SDK1: variants seen among roughly 807,000 people sequenced by gnomAD.
The protein encoded by SDK1 is protein sidekick-1.
Under a neutral mutation model 245.5 loss-of-function variants are expected in SDK1, and 157 were observed. The ratio of observed to expected loss-of-function variants is 0.64; its 90% CI spans 0.56 to 0.73. The LOEUF is 0.73. Ranked by LOEUF, SDK1 falls within the 30% of genes least tolerant of loss-of-function variation. The probability of loss-of-function intolerance (pLI) is 0.00; values close to 1 mark genes in which losing one functional copy is unlikely to be tolerated. For synonymous variants in SDK1, 1,647 were observed against 1,278.5 expected (o/e 1.29, Z -6.15); for missense variants, 3,583 against 3,002.3 (o/e 1.19, Z -4.52).
intron 12 of SDK1, 30 bp from the exon 13 acceptor site, chr7:3,974,339 G>C (rs545926945): frequency 6.3e-7 from 1 of 1,590,192 alleles, no homozygotes; most frequent in African/African-American, 1.3e-5. Context: ...TGTGGGGTTT[G>C]TAACTCAAGA....
chr7:4,083,566 C>G (rs1232337844), intron 22 of SDK1, among the ~76,000 whole-genome samples: 1 of 127,238 alleles, frequency 7.9e-6, no homozygotes, highest in Non-Finnish European at 1.7e-5. Flanking sequence ...CCCTTCCTTC[C>G]TTTTTGCCTC....
chr7:3,572,959 G>A (rs1390375930), intron 1 of SDK1, among the ~76,000 whole-genome samples: 1 of 152,002 alleles, frequency 6.6e-6, no homozygotes, highest in African/African-American at 2.4e-5. Context: ...AGAGAGAGGT[G>A]GACAGTGTTG....
chr7:3,380,462 G>T (rs1425086333), intron 1 of SDK1, among the ~76,000 whole-genome samples: 1 of 152,244 alleles, frequency 6.6e-6, no homozygotes, highest in East Asian at 1.9e-4. Flanking sequence ...TGAAGTGTCT[G>T]CAGAATAGCA....
chr7:3,767,722 C>G (rs552380294), intron 4 of SDK1, among the ~76,000 whole-genome samples: 2 of 152,252 alleles, frequency 1.3e-5, no homozygotes, highest in South Asian at 4.2e-4. Flanking sequence ...TGAACCCAGG[C>G]TGTCTGAATC....
intron 27 of SDK1, among the ~76,000 whole-genome samples, chr7:4,131,133 T>C (rs925244527): frequency 6.6e-6 from 1 of 152,170 alleles, no homozygotes; most frequent in African/African-American, 2.4e-5. Flanking sequence ...CCTGCTCCAG[T>C]GTATTCCAGG....
chr7:3,894,698 CTTTTT>C (rs942252289), intron 5 of SDK1, among the ~76,000 whole-genome samples: 2 of 135,454 alleles, frequency 1.5e-5, no homozygotes, highest in Admixed American at 7.4e-5. Flanking sequence ...ACTATTTTTT[CTTTTT>C]TTTTTTTTTT....
chr7:3,811,373 G>A (rs1444433369), intron 4 of SDK1, among the ~76,000 whole-genome samples: 1 of 152,160 alleles, frequency 6.6e-6, no homozygotes, highest in Non-Finnish European at 1.5e-5. Context: ...GTTACTTCCT[G>A]TCAACTGTGA....
chr7:3,850,571 A>G (rs940032567), intron 5 of SDK1, among the ~76,000 whole-genome samples: 3 of 152,202 alleles, frequency 2.0e-5, no homozygotes, highest in African/African-American at 4.8e-5. Context: ...TGTTTATTGC[A>G]GCACTATTCA....
intron 28 of SDK1, chr7:4,132,702 T>C (rs1784918976): frequency 6.0e-6 from 2 of 334,626 alleles, no homozygotes; most frequent in African/African-American, 4.1e-5. Context: ...CACTCCAGCC[T>C]GAGAGAGAGT....
In SDK1 at chr7:3,413,698, T is replaced by G. The variant is rs552087013; in HGVS notation, c.298+111814T>G. On this transcript the variant is annotated intron_variant, in intron 1 of 44. Transcript: ENST00000404826. ...CGAAACTTCATCTCAAACAAACAAA[T>G]AAATAAATAACTAGGAGGCTGTGCA... 2.0e-5 allele frequency among the ~76,000 whole-genome samples: 3 copies of G among 151,940 alleles called. No homozygotes were observed. In the South Asian group the frequency reaches 6.3e-4, roughly 32 times the overall value.
rs1780245801 is a variant in SDK1, at chr7:3,938,637, C to T, written c.848-12286C>T. ...CTCCAGCCTGGGCGACAGAGTGAGACTCCGTCTCAAAAAAAAAAAAAAAGA... is the reference window on the plus strand; with the variant it reads ...CTCCAGCCTGGGCGACAGAGTGAGATTCCGTCTCAAAAAAAAAAAAAAAGA... On this transcript the variant is annotated intron_variant, in intron 5 of 44. Transcript: ENST00000404826. Among the ~76,000 whole-genome samples the T allele has an allele frequency of 2.5e-5, 3 of 122,256 alleles. No homozygotes were observed. In the South Asian group the frequency reaches 6.7e-4, roughly 27 times the overall value. The allele number at this position is 122,256 out of a possible 152,430, so 80.2% of individuals were successfully genotyped here. A position where few individuals can be genotyped will look rare whatever the true frequency, so the allele number is the denominator to read the frequency against.
chr7:3,907,138 C>G (rs73294667), intron 5 of SDK1, among the ~76,000 whole-genome samples: 4,509 of 152,086 alleles, frequency 0.03, 253 homozygotes, highest in African/African-American at 0.1. Context: ...GAAGATTTGT[C>G]TCTATCTGTA....
At chr7:4,130,145 G>C (rs769678829) in intron 27 of SDK1, 48 bp downstream of exon 27, 1 of 1,505,576 alleles carries the variant, frequency 6.6e-7, no homozygotes, top group East Asian at 2.4e-5. Context: ...CTCCCAGGTT[G>C]GCCTTTCCAA....
chr7:3,651,396 C>T (rs999293842), intron 4 of SDK1, among the ~76,000 whole-genome samples: 1 of 152,234 alleles, frequency 6.6e-6, no homozygotes, highest in East Asian at 1.9e-4. Context: ...AAGCAAACTT[C>T]TTGTTGTGAG....
chr7:4,143,696 G>A (rs1311156254), intron 28 of SDK1, among the ~76,000 whole-genome samples: 1 of 152,204 alleles, frequency 6.6e-6, no homozygotes, highest in Non-Finnish European at 1.5e-5. Flanking sequence ...ACGGGGACCT[G>A]GCGAGGGGAT....
At chr7:3,967,959 G>A (rs972289201) in intron 10 of SDK1, among the ~76,000 whole-genome samples, 1 of 152,224 alleles carries the variant, frequency 6.6e-6, no homozygotes, top group Non-Finnish European at 1.5e-5. Flanking sequence ...CTGCCTTCTA[G>A]AAAGGGAAAC....
intron 2 of SDK1, among the ~76,000 whole-genome samples, chr7:3,629,072 C>T (rs1340527250): frequency 6.6e-6 from 1 of 151,326 alleles, no homozygotes; most frequent in African/African-American, 2.4e-5. Context: ...ACGGGCAGAT[C>T]ACGAGGTCAG....
chr7:4,132,326 C>G lies in SDK1; in HGVS notation c.4131C>G (p.Ala1377=). The G allele has an allele frequency of 6.2e-7, 1 of 1,610,014 alleles. No homozygotes were observed. Among genetic ancestry groups the G allele is most frequent in the South Asian group, 1.1e-5 (1 of 90,694 alleles). Residue 1377 remains alanine (A), a splice_region_variant and synonymous_variant, in exon 28 of 45, where the codon GCC becomes GCG. Transcript: ENST00000404826. The stretch of plus-strand genomic sequence containing the variant: ...AATCCCTGTGGTTTTTCCCTTCAGC[C>G]CCAGGCCCACCAGTGAGGCTCGTGT... The part of the protein sequence containing the change: ...PLILERTKDD[A]PGPPVRLVFP...
chr7:3,564,534 A>G (rs1779847747), intron 1 of SDK1, among the ~76,000 whole-genome samples: 1 of 152,116 alleles, frequency 6.6e-6, no homozygotes, highest in Admixed American at 6.6e-5. Context: ...CAAAAAAGGA[A>G]ATAGCTGTAG....
Sources: allele counts gnomAD v4.1 joint callset (sites outside exome capture counted in the v4.1 genomes callset), GRCh38; gene constraint gnomAD v4.1.1; transcripts MANE v1.5; gene names NCBI Gene and HGNC (gene_info 2026-07-23, HGNC 2026-07-21).